The following CUBN variants were observed in gnomAD, a reference collection of about 807,000 sequenced individuals.
The protein encoded by CUBN is cubilin.
CUBN carries 282 observed loss-of-function variants against 405.3 expected under a neutral mutation model. The observed-to-expected ratio is 0.70, with a 90% CI of 0.63 to 0.77. The LOEUF is 0.77. Among genes scored for constraint, CUBN ranks in the 30% least tolerant of loss-of-function variants. The probability of loss-of-function intolerance (pLI) is 0.00; values close to 1 mark genes in which losing one functional copy is unlikely to be tolerated. For missense variants in CUBN, 4,514 were observed against 4,475.2 expected (o/e 1.01, Z -0.25); for synonymous variants, 1,684 against 1,617.0 (o/e 1.04, Z -0.99).
At position 16,940,254 on chromosome 10, in the gene CUBN, A is replaced by T; in HGVS notation, c.5343-17T>A. 6.2e-7 allele frequency: 1 copy of T among 1,607,994 alleles called. No homozygotes were observed. Among genetic ancestry groups the T allele is most frequent in the Non-Finnish European group, 8.5e-7 (1 of 1,174,586 alleles). Reference sequence around the variant, plus strand: ...TGGAAAGATCTGATTTGGGGAAAAAAATATTTAAAGGGATTAAATTGAGAG... The same window carrying T: ...TGGAAAGATCTGATTTGGGGAAAAATATATTTAAAGGGATTAAATTGAGAG... On this transcript the variant is annotated splice_polypyrimidine_tract_variant and intron_variant, in intron 36 of 66. Coordinates refer to ENST00000377833, the MANE Select transcript of CUBN (RefSeq NM_001081.4).
intron 58 of CUBN, among the ~76,000 whole-genome samples, chr10:16,872,985 T>C (rs865847733): frequency 3.3e-5 from 5 of 152,194 alleles, no homozygotes; most frequent in African/African-American, 1.2e-4. Context: ...GAGAGATGTC[T>C]TTCATCAAGA....
intron 56 of CUBN, among the ~76,000 whole-genome samples, chr10:16,881,005 C>G (rs936191388): frequency 2.6e-5 from 4 of 152,088 alleles, no homozygotes; most frequent in African/African-American, 9.7e-5. Flanking sequence ...AATTATGTAC[C>G]TTAGTTATAA....
At chr10:17,124,805 C>A in intron 4 of CUBN, among the ~76,000 whole-genome samples, 1 of 150,720 alleles carries the variant, frequency 6.6e-6, no homozygotes, top group East Asian at 2.0e-4. Context: ...GTCCAATTGT[C>A]TGGGTTTTGG....
intron 6 of CUBN, among the ~76,000 whole-genome samples, chr10:17,119,128 A>G (rs1836972972): frequency 6.6e-6 from 1 of 152,228 alleles, no homozygotes; most frequent in Non-Finnish European, 1.5e-5. Context: ...ATACCTAACT[A>G]CCACCTGAGC....
intron 19 of CUBN, among the ~76,000 whole-genome samples, chr10:17,069,425 C>T (rs142650981): frequency 2.0e-5 from 3 of 152,250 alleles, no homozygotes; most frequent in African/African-American, 7.2e-5. Context: ...TTCAAGGTGG[C>T]TGTACCAGTT....
At chr10:16,995,991 A>G (rs1365761495) in intron 28 of CUBN, among the ~76,000 whole-genome samples, 1 of 152,140 alleles carries the variant, frequency 6.6e-6, no homozygotes, top group Non-Finnish European at 1.5e-5. Flanking sequence ...AGATGTGGGT[A>G]CAAAACCCTA....
chr10:16,996,911 A>C (rs1357706519), intron 28 of CUBN, among the ~76,000 whole-genome samples: 1 of 152,240 alleles, frequency 6.6e-6, no homozygotes, highest in East Asian at 1.9e-4. Context: ...CCTAAAGGAA[A>C]TGCCTGGGAA....
At chr10:17,068,307 G>T (rs1199826645) in intron 20 of CUBN, 27 bp from the exon 21 acceptor site, 1 of 1,601,142 alleles carries the variant, frequency 6.2e-7, no homozygotes. Flanking sequence ...TATAATTACT[G>T]CAGCAAGTAA....
chr10:17,036,673 TAAGATTAACAGTAATTTTTGGAAAAATTC>T (rs1311445700), intron 27 of CUBN, among the ~76,000 whole-genome samples: 11 of 152,158 alleles, frequency 7.2e-5, no homozygotes, highest in African/African-American at 2.7e-4. Flanking sequence ...CGTAGATCAG[TAAGATTAACAGTAATTTTTGGAAAAATTC>T]TAAATTAGAC....
intron 28 of CUBN, among the ~76,000 whole-genome samples, chr10:17,012,775 A>G (rs146179846): frequency 1.5e-3 from 222 of 152,322 alleles, no homozygotes; most frequent in Non-Finnish European, 2.3e-3. Flanking sequence ...TGCACATTTG[A>G]GCAGACCAAT....
At position 17,041,288 on chromosome 10, in the gene CUBN, C is replaced by T. The variant is rs11254340; in HGVS notation, c.3830-68G>A. The T allele has an allele frequency of 5.9e-3, 7,782 of 1,323,334 alleles. 378 individuals are homozygous for T. In the African/African-American group the frequency reaches 0.1, roughly 17 times the overall value. The allele number at this position is 1,323,334 out of a possible 1,614,324, so 82.0% of individuals were successfully genotyped here. A position where few individuals can be genotyped will look rare whatever the true frequency, so the allele number is the denominator to read the frequency against. On this transcript the variant is annotated intron_variant, in intron 26 of 66. Coordinates refer to ENST00000377833, the MANE Select transcript of CUBN (RefSeq NM_001081.4). ...CATAAGTGCTCCAAGATGAGATTTTCCTTTAAAAAAAATAAATAAAAATCA... is the reference window on the plus strand; with the variant it reads ...CATAAGTGCTCCAAGATGAGATTTTTCTTTAAAAAAAATAAATAAAAATCA...
At chr10:17,031,001 A>C (rs868422748) in intron 27 of CUBN, among the ~76,000 whole-genome samples, 17 of 152,242 alleles carry the variant, frequency 1.1e-4, no homozygotes, top group African/African-American at 3.1e-4. Flanking sequence ...GAGAGTAACC[A>C]AAACAATTTT....
At chr10:16,855,164 C>T (rs902468187) in intron 59 of CUBN, among the ~76,000 whole-genome samples, 3 of 146,934 alleles carry the variant, frequency 2.0e-5, no homozygotes, top group East Asian at 4.1e-4. Flanking sequence ...AGGCTGGTCT[C>T]GTATTCTTGG....
Position 16,990,333 on chromosome 10 carries a change from C to T in CUBN, c.4350+1G>A, listed in dbSNP as rs1270229488. ...GCTGAAAAAACCATCTCACTTCCTA[C>T]CTCCAAGACATCAAAGTTGCACCTT... On this transcript the variant is annotated splice_donor_variant, in intron 29 of 66. Coordinates refer to ENST00000377833, the MANE Select transcript of CUBN (RefSeq NM_001081.4). LOFTEE classifies it high-confidence loss of function. The T allele has an allele frequency of 6.2e-7, 1 of 1,614,172 alleles. No individual in the cohort carries two copies. Among genetic ancestry groups the T allele is most frequent in the East Asian group, 2.2e-5 (1 of 44,884 alleles).
chr10:17,126,907 T>C lies in CUBN; in HGVS notation c.349-108A>G, dbSNP rs184585419. 139 of 1,105,366 alleles carry C rather than the reference T, an allele frequency of 1.3e-4. No homozygotes were observed. The African/African-American group carries it at 1.6e-3, about 13-fold the overall frequency. The allele number at this position is 1,105,366 out of a possible 1,614,324, so 68.5% of individuals were successfully genotyped here. The stretch of plus-strand genomic sequence containing the variant: ...AATGCCCTCTGCTAGGGACACACTT[T>C]GTTCATTCCTCCTTTTATTCCCTTT... On this transcript the variant is annotated intron_variant, in intron 3 of 66. Coordinates refer to ENST00000377833, the MANE Select transcript of CUBN (RefSeq NM_001081.4).
intron 50 of CUBN, among the ~76,000 whole-genome samples, chr10:16,904,527 T>A (rs1841501987): frequency 6.6e-6 from 1 of 152,222 alleles, no homozygotes; most frequent in South Asian, 2.1e-4. Flanking sequence ...TTTGAAAGAT[T>A]TCTTCACTAT....
At chr10:17,085,828 ATTAAC>A in intron 15 of CUBN, 69 bp from the exon 16 acceptor site, 1 of 1,341,674 alleles carries the variant, frequency 7.5e-7, no homozygotes. Flanking sequence ...CACTTTGGAT[ATTAAC>A]TTCATAAAAT....
At chr10:17,109,775 A>C in intron 9 of CUBN, 40 bp from the exon 10 acceptor site, 1 of 1,487,560 alleles carries the variant, frequency 6.7e-7, no homozygotes, top group Non-Finnish European at 9.4e-7. Context: ...AACAATGTCA[A>C]GAAGATGGGA....
intron 43 of CUBN, among the ~76,000 whole-genome samples, chr10:16,921,388 T>A (rs1311995005): frequency 4.6e-5 from 7 of 152,122 alleles, no homozygotes; most frequent in Non-Finnish European, 8.8e-5. Context: ...CATCCTACTG[T>A]CTCCTCCAGG....
Sources: gnomAD v4.1 joint callset for allele counts (sites outside exome capture counted in the v4.1 genomes callset) on GRCh38, gnomAD v4.1.1 for gene constraint, MANE v1.5 for transcripts, NCBI Gene and HGNC (gene_info 2026-07-23, HGNC 2026-07-21) for gene names.